The following PIEZO2 variants were observed in gnomAD, a reference collection of about 807,000 sequenced individuals.
The protein encoded by PIEZO2 is piezo type mechanosensitive ion channel component 2, also known as piezo-type mechanosensitive ion channel component 2.
Under a neutral mutation model 337.3 loss-of-function variants are expected in PIEZO2, and 172 were observed. The observed-to-expected ratio is 0.51, with a 90% CI of 0.45 to 0.58. PIEZO2 has a LOEUF of 0.58. Ranked by LOEUF, PIEZO2 falls within the 20% of genes least tolerant of loss-of-function variation. The pLI, the probability that PIEZO2 is intolerant of heterozygous loss-of-function variation, is 0.00. For synonymous variants in PIEZO2, 1,251 were observed against 1,228.5 expected, an observed-to-expected ratio of 1.02 and a Z score of -0.38; for missense variants, 3,028 against 3,391.3, an observed-to-expected ratio of 0.89 and a Z score of 2.66.
intron 30 of PIEZO2, among the ~76,000 whole-genome samples, chr18:10,747,545 G>A (rs565272931): frequency 1.1e-3 from 162 of 152,314 alleles, no homozygotes; most frequent in African/African-American, 3.7e-3. Context: ...GAATTCCGGA[G>A]CAGTGCGGTA....
intron 1 of PIEZO2, among the ~76,000 whole-genome samples, chr18:11,108,905 C>T (rs2039652154): frequency 6.6e-6 from 1 of 152,178 alleles, no homozygotes; most frequent in Non-Finnish European, 1.5e-5. Flanking sequence ...AAGTGTTAAA[C>T]AGTCATGTGG....
At chr18:10,858,704 C>T (rs972557569) in intron 5 of PIEZO2, among the ~76,000 whole-genome samples, 2 of 152,128 alleles carry the variant, frequency 1.3e-5, no homozygotes, top group African/African-American at 2.4e-5. Flanking sequence ...GTAAAGCGGC[C>T]TTCAGGACTC....
intron 2 of PIEZO2, among the ~76,000 whole-genome samples, chr18:10,995,077 C>CAAAAAAAAAAAAAAAAAAAGAAAAAA (rs2035263883): frequency 3.5e-5 from 1 of 28,308 alleles, no homozygotes; most frequent in African/African-American, 1.4e-4. Flanking sequence ...GACTCCGTCT[C>CAAAAAAAAAAAAAAAAAAAGAAAAAA]AAAAAAAAAA....
At chr18:10,817,342 T>C (rs1011487838) in intron 7 of PIEZO2, among the ~76,000 whole-genome samples, 4 of 152,194 alleles carry the variant, frequency 2.6e-5, no homozygotes, top group African/African-American at 4.8e-5. Flanking sequence ...TAAAAGTTGT[T>C]TGAGGTGAGA....
intron 2 of PIEZO2, among the ~76,000 whole-genome samples, chr18:11,053,944 C>T (rs916968524): frequency 6.6e-6 from 1 of 152,046 alleles, no homozygotes; most frequent in Non-Finnish European, 1.5e-5. Context: ...GAATCGCTTG[C>T]ACCTGGGAGG....
At chr18:10,882,560 T>C (rs547669642) in intron 4 of PIEZO2, among the ~76,000 whole-genome samples, 200 of 151,930 alleles carry the variant, frequency 1.3e-3, no homozygotes, top group African/African-American at 4.7e-3. Context: ...GAAAGACAAT[T>C]CTTTCTTTTT....
In PIEZO2 at chr18:11,047,788, C is replaced by A. The variant is rs2037372156; in HGVS notation, c.160+18339G>T. On this transcript the variant is annotated intron_variant, in intron 2 of 55. Transcript: ENST00000674853. The surrounding 1 kb of genome is among the most constrained non-coding windows in gnomAD (Gnocchi z 7.2). ...GCATCTTAAAAGAGCAGTTTTCATT[C>A]CGCAGATGCTATTAGACCCCAGGGA... is the stretch of plus-strand genomic sequence containing the variant. Among the ~76,000 whole-genome samples the A allele has an allele frequency of 6.6e-6, 1 of 152,124 alleles. No individual in the cohort carries two copies. The highest frequency in any genetic ancestry group is 1.5e-5 in the Non-Finnish European group (1 of 68,016).
intron 36 of PIEZO2, among the ~76,000 whole-genome samples, chr18:10,731,177 T>TTATA (rs60508630): frequency 0.032 from 1,100 of 34,402 alleles, 12 homozygotes; most frequent in Middle Eastern, 0.045. Context: ...ACTTAAAAGA[T>TTATA]TATATATATA....
At chr18:11,039,187 A>G (rs1438250968) in intron 2 of PIEZO2, among the ~76,000 whole-genome samples, 1 of 152,204 alleles carries the variant, frequency 6.6e-6, no homozygotes, top group Non-Finnish European at 1.5e-5. Flanking sequence ...CTGCATGCAT[A>G]AAATCCCTCC....
In PIEZO2 at chr18:11,149,428, T is replaced by C. The variant is rs927348772; in HGVS notation, c.-840A>G. Among the ~76,000 whole-genome samples, 1 of 151,890 alleles carries C rather than the reference T, an allele frequency of 6.6e-6. No individual in the cohort carries two copies. Among genetic ancestry groups the C allele is most frequent in the Non-Finnish European group, 1.5e-5 (1 of 67,938 alleles). On this transcript the variant is annotated 5_prime_UTR_variant, in exon 1 of 56. Transcript: ENST00000674853. The surrounding 1 kb of genome is among the most constrained non-coding windows in gnomAD (Gnocchi z 8.7). ...TCGGGTGAGTGGGTCTCCCACTCCC[T>C]CCTCCACCGCCTCAATTTAAAACTC...
Position 10,894,872 on chromosome 18 carries a change from G to A in PIEZO2, c.329+16314C>T, listed in dbSNP as rs1353030175. ...AGTCAGATTCTTTCATCTGAGGAGG[G>A]AAGAATTGAAGTTGCTGTAGACCCG... On this transcript the variant is annotated intron_variant, in intron 4 of 55. Coordinates refer to ENST00000674853, the MANE Select transcript of PIEZO2 (RefSeq NM_001378183.1). The surrounding 1 kb of genome is among the most constrained non-coding windows in gnomAD (Gnocchi z 4.1). 6.6e-6 allele frequency: 1 copy of A among 152,224 alleles called. No individual in the cohort carries two copies. Among genetic ancestry groups the A allele is most frequent in the Non-Finnish European group, 1.5e-5 (1 of 68,042 alleles). The allele number at this position is 152,224 out of a possible 1,614,324, so 9.4% of individuals were successfully genotyped here. A position where few individuals can be genotyped will look rare whatever the true frequency, so the allele number is the denominator to read the frequency against.
rs908112588 is a variant in PIEZO2, at chr18:10,803,989, C to A, written c.1086G>T (p.Gln362His). 10 of 1,537,296 alleles carry A rather than the reference C, an allele frequency of 6.5e-6. No homozygotes were observed. The African/African-American group carries it at 8.2e-5, about 13-fold the overall frequency. Residue 362 changes from glutamine (Q) to histidine (H), a missense_variant, in exon 9 of 56, where the codon CAG becomes CAT. Physicochemically the swap from Gln to His is conservative, Grantham distance 24. Coordinates refer to ENST00000674853, the MANE Select transcript of PIEZO2 (RefSeq NM_001378183.1). ...TGTCCTCTTCTTTGGTCCCCTCATC[C>A]TGCACCTGAAACACAGAAACAGGAT... Reference protein sequence around the residue: ...IRIWLQEPLVQDEGTKEEDKA... With the variant: ...IRIWLQEPLVHDEGTKEEDKA...
In PIEZO2 at chr18:11,031,166, AT is replaced by A. The variant is rs35909559; in HGVS notation, c.160+34960del. Among the ~76,000 whole-genome samples, 2,045 of 140,026 alleles carry A rather than the reference AT, an allele frequency of 0.015. 17 individuals carry two copies. Among genetic ancestry groups the A allele is most frequent in the African/African-American group, 0.034 (1,304 of 38,298 alleles). The allele number at this position is 140,026 out of a possible 152,430, so 91.9% of individuals were successfully genotyped here. On this transcript the variant is annotated intron_variant, in intron 2 of 55. Transcript: ENST00000674853. This position sits in a 1 kb window ranked among gnomAD's most constrained non-coding sequence, Gnocchi z 4.7. ...CACCATGCCTGGCTAATTTTTTTGTATTTTTTTTTTTTTTAGTGGAGATGGG... is the reference window on the plus strand; with the variant it reads ...CACCATGCCTGGCTAATTTTTTTGTATTTTTTTTTTTTTAGTGGAGATGGG...
chr18:10,704,747 T>A (rs1462248984), intron 41 of PIEZO2, 95 bp from the exon 42 acceptor site: 1 of 1,399,196 alleles, frequency 7.1e-7, no homozygotes, highest in Non-Finnish European at 9.5e-7. Flanking sequence ...TGCAATGGCG[T>A]GATCTTGGCT....
intron 12 of PIEZO2, 79 bp downstream of exon 12, chr18:10,797,290 CATATT>C (rs1166579149): frequency 2.5e-6 from 3 of 1,196,192 alleles, no homozygotes; most frequent in African/African-American, 1.5e-5. Context: ...TATGTACCAT[CATATT>C]ATACATACCG....
At chr18:10,915,792 G>A (rs1224398950) in intron 3 of PIEZO2, among the ~76,000 whole-genome samples, 1 of 152,112 alleles carries the variant, frequency 6.6e-6, no homozygotes, top group Non-Finnish European at 1.5e-5. Context: ...TCCAGAATTG[G>A]TGGGTTCTTG....
intron 2 of PIEZO2, among the ~76,000 whole-genome samples, chr18:11,041,838 TTCAG>T (rs1183510292): frequency 6.6e-6 from 1 of 152,214 alleles, no homozygotes; most frequent in Non-Finnish European, 1.5e-5. Flanking sequence ...CATCCATTCA[TTCAG>T]TATCTATATT....
At chr18:10,883,588 C>T (rs1374717644) in intron 4 of PIEZO2, among the ~76,000 whole-genome samples, 3 of 152,186 alleles carry the variant, frequency 2.0e-5, no homozygotes, top group Non-Finnish European at 2.9e-5. Context: ...CATCATCTCA[C>T]ATACTTATCT....
At position 10,773,417 on chromosome 18, in the gene PIEZO2, G is replaced by A. The variant is rs1345075131; in HGVS notation, c.2780C>T (p.Thr927Ile). Residue 927 changes from threonine to isoleucine, a missense_variant, in exon 20 of 56, where the codon ACA (threonine) becomes ATA (isoleucine). Physicochemically the swap from Thr to Ile is moderately conservative, Grantham distance 89 (BLOSUM62 -1). Around this residue, in one of 5 missense-constraint regions of PIEZO2, gnomAD observed 1,925 missense variants for 2,051.9 expected, o/e 0.94. Transcript: ENST00000674853. This position sits in a 1 kb window ranked among gnomAD's most constrained non-coding sequence, Gnocchi z 5.3. ...GCTGGTAGTGGGCTGATTACCTGAT[G>A]TTTCTTCCTCCTCCTCGGATTCCTC... ...EEEESEEEEE[T>I]SDLRNKWHLV... The A allele has an allele frequency of 6.5e-7, 1 of 1,537,284 alleles. No individual in the cohort carries two copies. Among genetic ancestry groups the A allele is most frequent in the Non-Finnish European group, 8.7e-7 (1 of 1,146,938 alleles).
Sources: allele counts gnomAD v4.1 joint callset (sites outside exome capture counted in the v4.1 genomes callset), GRCh38; gene constraint gnomAD v4.1.1; regional missense constraint gnomAD v4.1.1; non-coding constraint Gnocchi (gnomAD v3.1); transcripts MANE v1.5; gene names NCBI Gene and HGNC (gene_info 2026-07-23, HGNC 2026-07-21).